The following VAV3 variants were observed in gnomAD, a reference collection of about 807,000 sequenced individuals.
VAV3 encodes the protein vav guanine nucleotide exchange factor 3, also known as guanine nucleotide exchange factor VAV3.
In VAV3, 94 loss-of-function variants were observed where a neutral mutation model predicts 131.2. The observed-to-expected ratio is 0.72, with a 90% CI of 0.61 to 0.85. The LOEUF (loss-of-function observed/expected upper bound fraction) is 0.85, where lower values mean the gene tolerates loss of function less well. Among genes scored for constraint, VAV3 ranks in the 40% least tolerant of loss-of-function variants. The pLI, the probability that VAV3 is intolerant of heterozygous loss-of-function variation, is 0.00. For synonymous variants in VAV3, 349 were observed against 342.0 expected (o/e 1.02, Z -0.22); for missense variants, 939 against 1,002.7 (o/e 0.94, Z 0.86).
intron 19 of VAV3, among the ~76,000 whole-genome samples, chr1:107,663,949 A>T (rs1378192528): frequency 6.6e-6 from 1 of 152,204 alleles, no homozygotes; most frequent in Non-Finnish European, 1.5e-5. Context: ...GATATGAAAA[A>T]AATTAACAAA....
intron 2 of VAV3, among the ~76,000 whole-genome samples, chr1:107,848,185 T>A (rs1571037465): frequency 6.6e-6 from 1 of 151,854 alleles, no homozygotes; most frequent in South Asian, 2.1e-4. Flanking sequence ...TGGTGGCAGG[T>A]GCCTGTAGTC....
At chr1:107,910,160 CA>C (rs1672299722) in intron 1 of VAV3, among the ~76,000 whole-genome samples, 1 of 152,190 alleles carries the variant, frequency 6.6e-6, no homozygotes, top group Non-Finnish European at 1.5e-5. Context: ...CAAGATTACA[CA>C]GCTACTAAGA....
intron 2 of VAV3, among the ~76,000 whole-genome samples, chr1:107,810,817 G>A (rs1053922544): frequency 5.3e-5 from 8 of 151,888 alleles, no homozygotes; most frequent in African/African-American, 1.9e-4. Context: ...CAGAAAAATG[G>A]GTGAAAAACA....
At position 107,571,633 on chromosome 1, in the gene VAV3, C is replaced by T. The variant is rs532687105; in HGVS notation, c.*1698G>A. On this transcript the variant is annotated 3_prime_UTR_variant, in exon 27 of 27. Coordinates refer to ENST00000370056, the MANE Select transcript of VAV3 (RefSeq NM_006113.5). ...AGACTTTACAGGAAAGAATCCATTC[C>T]AAGAGTACACTTTGAGGTGTAACTT... 3 of 152,660 alleles carry T rather than the reference C, an allele frequency of 2.0e-5. No individual in the cohort carries two copies. Among genetic ancestry groups the T allele is most frequent in the African/African-American group, 7.2e-5 (3 of 41,532 alleles). The allele number at this position is 152,660 out of a possible 1,614,324, so 9.5% of individuals were successfully genotyped here.
intron 1 of VAV3, among the ~76,000 whole-genome samples, chr1:107,953,600 T>C (rs777051365): frequency 6.6e-6 from 1 of 152,140 alleles, no homozygotes; most frequent in African/African-American, 2.4e-5. Context: ...TTGCTATAAG[T>C]ACAGAAGCCA....
rs1324383306 is a variant in VAV3, at chr1:107,572,941, G to A, written c.*390C>T. ...CTTCTTTGTACCATCAAATAATCTG[G>A]TGAATGGCATGTGAGAATAAAGCAA... On this transcript the variant is annotated 3_prime_UTR_variant, in exon 27 of 27. Coordinates refer to ENST00000370056, the MANE Select transcript of VAV3 (RefSeq NM_006113.5). 8 of 187,368 alleles carry A rather than the reference G, an allele frequency of 4.3e-5. No homozygotes were observed. The highest frequency in any genetic ancestry group is 8.7e-5 in the Non-Finnish European group (8 of 92,018). The allele number at this position is 187,368 out of a possible 1,614,324, so 11.6% of individuals were successfully genotyped here.
At chr1:107,838,323 A>G (rs573267201) in intron 2 of VAV3, among the ~76,000 whole-genome samples, 2 of 152,280 alleles carry the variant, frequency 1.3e-5, no homozygotes, top group East Asian at 3.9e-4. Flanking sequence ...CTCAAAAGAG[A>G]ACACACAAGT....
chr1:107,767,553 C>T (rs1389286492), intron 7 of VAV3, among the ~76,000 whole-genome samples: 2 of 152,180 alleles, frequency 1.3e-5, no homozygotes, highest in Non-Finnish European at 2.9e-5. Context: ...TGTCCTCATT[C>T]GGCCAAAATC....
chr1:107,945,388 T>C (rs1387298036), intron 1 of VAV3, among the ~76,000 whole-genome samples: 8 of 152,240 alleles, frequency 5.3e-5, no homozygotes. Flanking sequence ...TTACTGCTAC[T>C]AATAACAGTT....
At chr1:107,688,088 T>C (rs536930693) in intron 18 of VAV3, among the ~76,000 whole-genome samples, 1 of 152,324 alleles carries the variant, frequency 6.6e-6, no homozygotes, top group South Asian at 2.1e-4. Context: ...TCTACCAACT[T>C]CTGGCGATAA....
At chr1:107,627,191 G>A (rs945413977) in intron 20 of VAV3, among the ~76,000 whole-genome samples, 6 of 152,224 alleles carry the variant, frequency 3.9e-5, no homozygotes, top group South Asian at 2.1e-4. Context: ...CCTAGGCAGC[G>A]TTTGTTTTCT....
chr1:107,883,559 C>G (rs543056949), intron 1 of VAV3, among the ~76,000 whole-genome samples: 3 of 151,990 alleles, frequency 2.0e-5, no homozygotes, highest in Non-Finnish European at 4.4e-5. Context: ...AGCAATGTGT[C>G]TTTTTAAACT....
intron 15 of VAV3, among the ~76,000 whole-genome samples, chr1:107,713,664 A>T (rs563166136): frequency 2.0e-5 from 3 of 152,318 alleles, no homozygotes; most frequent in Middle Eastern, 3.4e-3. Context: ...AGATACACTG[A>T]AGGGTTTTCA....
intron 3 of VAV3, among the ~76,000 whole-genome samples, chr1:107,778,636 T>C (rs1040710986): frequency 6.6e-6 from 1 of 152,172 alleles, no homozygotes; most frequent in Admixed American, 6.5e-5. Flanking sequence ...GCTTGGATCC[T>C]CTCTCCCTTA....
intron 2 of VAV3, among the ~76,000 whole-genome samples, chr1:107,789,481 A>G (rs1214067379): frequency 6.6e-6 from 1 of 152,228 alleles, no homozygotes. Flanking sequence ...ACCATCTAAC[A>G]GAAGTTATGA....
chr1:107,651,209 T>C (rs1339857616), intron 19 of VAV3, among the ~76,000 whole-genome samples: 1 of 152,148 alleles, frequency 6.6e-6, no homozygotes, highest in Non-Finnish European at 1.5e-5. Context: ...AACTGTCAGC[T>C]GTCATTTATA....
intron 2 of VAV3, among the ~76,000 whole-genome samples, chr1:107,821,174 A>G (rs1468022847): frequency 6.6e-6 from 1 of 152,236 alleles, no homozygotes; most frequent in Admixed American, 6.5e-5. Context: ...TAGAAGACAA[A>G]ATCCTGAAGA....
At chr1:107,858,109 T>A (rs1228817230) in intron 2 of VAV3, among the ~76,000 whole-genome samples, 8 of 152,310 alleles carry the variant, frequency 5.3e-5, no homozygotes, top group Non-Finnish European at 1.2e-4. Context: ...GGAATTCTTT[T>A]CACTCTTAAG....
intron 1 of VAV3, among the ~76,000 whole-genome samples, chr1:107,902,284 G>A (rs1205715540): frequency 6.6e-6 from 1 of 152,154 alleles, no homozygotes. Flanking sequence ...GGCCATCTGT[G>A]ATTGAATGTA....
Sources: gnomAD v4.1 joint callset for allele counts (sites outside exome capture counted in the v4.1 genomes callset) on GRCh38, gnomAD v4.1.1 for gene constraint, MANE v1.5 for transcripts, NCBI Gene and HGNC (gene_info 2026-07-23, HGNC 2026-07-21) for gene names.